ENAH: variants seen among roughly 807,000 people sequenced by gnomAD.
ENAH encodes the protein protein enabled homolog.
Under a neutral mutation model 78.7 loss-of-function variants are expected in ENAH, and 23 were observed. The observed-to-expected ratio is 0.29, with a 90% confidence interval of 0.21 to 0.41. The LOEUF is 0.41. Ranked by LOEUF, ENAH falls within the 10% of genes least tolerant of loss-of-function variation. ENAH has a pLI of 1.00. For missense variants in ENAH, 544 were observed against 691.0 expected, an observed-to-expected ratio of 0.79 and a Z score of 2.39; for synonymous variants, 226 against 241.0, an observed-to-expected ratio of 0.94 and a Z score of 0.58.
At chr1:225,576,216 C>T (rs2151576530) in intron 1 of ENAH, among the ~76,000 whole-genome samples, 1 of 146,174 alleles carries the variant, frequency 6.8e-6, no homozygotes, top group African/African-American at 2.5e-5. Flanking sequence ...TTCGAGGCCA[C>T]AGTGAGTCAT....
chr1:225,598,805 A>G (rs1008095080), intron 1 of ENAH, among the ~76,000 whole-genome samples: 4 of 152,114 alleles, frequency 2.6e-5, no homozygotes, highest in Non-Finnish European at 5.9e-5. Flanking sequence ...AAGAATAGAA[A>G]TGGAAAATCA....
intron 3 of ENAH, among the ~76,000 whole-genome samples, chr1:225,548,847 ATTT>A (rs11392563): frequency 4.3e-5 from 6 of 139,342 alleles, no homozygotes; most frequent in Admixed American, 7.1e-5. Flanking sequence ...TAGTGAACAG[ATTT>A]TTTTTTTTTT....
chr1:225,513,097 G>T, intron 7 of ENAH, 81 bp from the exon 8 acceptor site: 1 of 1,218,262 alleles, frequency 8.2e-7, no homozygotes, highest in Middle Eastern at 2.1e-4. Flanking sequence ...TAAAACAGAA[G>T]GAAACATCAG....
intron 1 of ENAH, among the ~76,000 whole-genome samples, chr1:225,623,631 G>A (rs1413425404): frequency 1.1e-4 from 17 of 149,866 alleles, no homozygotes; most frequent in African/African-American, 4.0e-4. Context: ...TGTCGCCCAG[G>A]CTGGAGTGCA....
intron 2 of ENAH, among the ~76,000 whole-genome samples, chr1:225,562,919 G>A (rs544090970): frequency 6.6e-5 from 10 of 151,448 alleles, no homozygotes; most frequent in Non-Finnish European, 5.9e-5. Context: ...GCTGCAGTGA[G>A]CTATGGTCAC....
Position 225,495,278 on chromosome 1 carries a change from C to T in ENAH, c.*2497G>A, listed in dbSNP as rs1025867941. ...ATCATAATAATGTGGTTCCAAGGAA[C>T]GTGGTTTTGATAAGGTAAATAACTT... On this transcript the variant is annotated 3_prime_UTR_variant, in exon 14 of 14. Coordinates refer to ENST00000366843, the MANE Select transcript of ENAH (RefSeq NM_018212.6). 5 of 152,412 alleles carry T rather than the reference C, an allele frequency of 3.3e-5. No individual in the cohort carries two copies. Among genetic ancestry groups the T allele is most frequent in the African/African-American group, 4.8e-5 (2 of 41,402 alleles). 9.4% of individuals were successfully genotyped at this position (152,412 alleles called of 1,614,324 possible).
intron 1 of ENAH, among the ~76,000 whole-genome samples, chr1:225,612,642 A>G (rs1339729901): frequency 6.6e-6 from 1 of 152,200 alleles, no homozygotes; most frequent in Non-Finnish European, 1.5e-5. Flanking sequence ...ATAATACTTA[A>G]TGCTGGCCAG....
chr1:225,639,745 A>ACACACACAC lies in ENAH; in HGVS notation c.5+12940_5+12941insGTGTGTGTG, dbSNP rs1558949307. Among the ~76,000 whole-genome samples the ACACACACAC allele has an allele frequency of 3.9e-3, 394 of 101,204 alleles. 1 individual carries two copies. The highest frequency in any genetic ancestry group is 0.024 in the African/African-American group (375 of 15,686). 66.4% of individuals were successfully genotyped at this position (101,204 alleles called of 152,430 possible). A position where few individuals can be genotyped will look rare whatever the true frequency, so the allele number is the denominator to read the frequency against. ...ACACACACACACACACACACACACAAGAAGGATGGTCCTACTTCCTCCAAG... is the reference window on the plus strand; with the variant it reads ...ACACACACACACACACACACACACAACACACACACGAAGGATGGTCCTACTTCCTCCAAG... On this transcript the variant is annotated intron_variant, in intron 1 of 13. Coordinates refer to ENST00000366843, the MANE Select transcript of ENAH (RefSeq NM_018212.6).
intron 1 of ENAH, among the ~76,000 whole-genome samples, chr1:225,611,510 GGTTTCACTAT>G (rs1384129936): frequency 6.6e-6 from 1 of 152,112 alleles, no homozygotes; most frequent in African/African-American, 2.4e-5. Context: ...GTAGAGATGA[GGTTTCACTAT>G]GTTGGCCAGG....
chr1:225,498,368 G>T lies in ENAH; in HGVS notation c.1654C>A (p.Leu552Ile). ...TTACCATCAATGAGCTCTTCTTTTA[G>T]CTTTGTTAATTCTTTTCTCATTTCA... Reference protein sequence around the residue: ...LDEMRKELTKLKEELIDAIRQ... With the variant: ...LDEMRKELTKIKEELIDAIRQ... The change falls in exon 13 of 14, where the codon CTA becomes ATA. Residue 552 changes from leucine (L) to isoleucine (I), a missense_variant. Coordinates refer to ENST00000366843, the MANE Select transcript of ENAH (RefSeq NM_018212.6). 1 of 1,595,840 alleles carries T rather than the reference G, an allele frequency of 6.3e-7. No individual in the cohort carries two copies.
intron 1 of ENAH, among the ~76,000 whole-genome samples, chr1:225,582,063 A>C (rs2096821276): frequency 6.6e-6 from 1 of 152,068 alleles, no homozygotes; most frequent in Admixed American, 6.6e-5. Context: ...GTGCAAGGTG[A>C]CAGGATAATG....
At chr1:225,643,238 TGAA>T (rs1238524515) in intron 1 of ENAH, among the ~76,000 whole-genome samples, 1 of 152,096 alleles carries the variant, frequency 6.6e-6, no homozygotes, top group Non-Finnish European at 1.5e-5. Context: ...GAGTGATGCA[TGAA>T]GAACAGGGGA....
chr1:225,643,480 A>T (rs1661441395), intron 1 of ENAH, among the ~76,000 whole-genome samples: 1 of 152,236 alleles, frequency 6.6e-6, no homozygotes, highest in South Asian at 2.1e-4. Context: ...ATGTACACAA[A>T]GACATATAAC....
intron 6 of ENAH, among the ~76,000 whole-genome samples, chr1:225,516,902 T>G (rs957442394): frequency 1.4e-4 from 21 of 146,456 alleles, no homozygotes; most frequent in African/African-American, 3.3e-4. Context: ...AAGAAAAAAA[T>G]AAAGAAATGT....
At chr1:225,652,106 T>C (rs191676119) in intron 1 of ENAH, among the ~76,000 whole-genome samples, 1 of 152,010 alleles carries the variant, frequency 6.6e-6, no homozygotes, top group Non-Finnish European at 1.5e-5. Flanking sequence ...CCCAGTCTTT[T>C]ACTGCCCCCA....
At position 225,494,848 on chromosome 1, in the gene ENAH, C is replaced by T. The variant is rs749804842; in HGVS notation, c.*2927G>A. The T allele has an allele frequency of 5.2e-5, 8 of 152,558 alleles. No homozygotes were observed. The highest frequency in any genetic ancestry group is 1.9e-4 in the African/African-American group (8 of 41,492). The allele number at this position is 152,558 out of a possible 1,614,324, so 9.5% of individuals were successfully genotyped here. On this transcript the variant is annotated 3_prime_UTR_variant, in exon 14 of 14. Coordinates refer to ENST00000366843, the MANE Select transcript of ENAH (RefSeq NM_018212.6). Reference sequence around the variant, plus strand: ...TGCAATTTTATTTCAATCGCACAAACGAAGTTAGCGTGTAGGAAACTTAAA... The same window carrying T: ...TGCAATTTTATTTCAATCGCACAAATGAAGTTAGCGTGTAGGAAACTTAAA...
chr1:225,622,167 T>A (rs1318736134), intron 1 of ENAH, among the ~76,000 whole-genome samples: 3 of 152,054 alleles, frequency 2.0e-5, no homozygotes, highest in Non-Finnish European at 2.9e-5. Context: ...ATTATACATA[T>A]TGAGTGTTAG....
At chr1:225,589,865 T>C (rs1242684120) in intron 1 of ENAH, among the ~76,000 whole-genome samples, 1 of 152,112 alleles carries the variant, frequency 6.6e-6, no homozygotes, top group Non-Finnish European at 1.5e-5. Context: ...GAAGGGAAAA[T>C]TAAGCATGTG....
intron 1 of ENAH, among the ~76,000 whole-genome samples, chr1:225,601,937 A>T (rs976878203): frequency 8.5e-5 from 13 of 152,050 alleles, no homozygotes; most frequent in Non-Finnish European, 1.6e-4. Context: ...AGAAAAGCCT[A>T]ACAAAGAAAA....
Sources: allele counts gnomAD v4.1 joint callset (sites outside exome capture counted in the v4.1 genomes callset), GRCh38; gene constraint gnomAD v4.1.1; transcripts MANE v1.5; gene names NCBI Gene and HGNC (gene_info 2026-07-23, HGNC 2026-07-21).